ASNS: variants seen among roughly 807,000 people sequenced by gnomAD.
ASNS encodes the protein asparagine synthetase [glutamine-hydrolyzing].
Under a neutral mutation model 62.6 loss-of-function variants are expected in ASNS, and 37 were observed. That is an observed-to-expected ratio of 0.59 (90% CI 0.45 to 0.78). The LOEUF (loss-of-function observed/expected upper bound fraction) is 0.78, where lower values mean the gene tolerates loss of function less well. Ranked by LOEUF, ASNS falls within the 30% of genes least tolerant of loss-of-function variation. The pLI, the probability that ASNS is intolerant of heterozygous loss-of-function variation, is 0.00. For synonymous variants in ASNS, 207 were observed against 237.9 expected, an observed-to-expected ratio of 0.87 and a Z score of 1.19; for missense variants, 520 against 682.4, an observed-to-expected ratio of 0.76 and a Z score of 2.65.
At chr7:97,884,075 A>C in the ASNS span, among the ~76,000 whole-genome samples, 1 of 151,346 alleles carries the variant, frequency 6.6e-6, no homozygotes, top group Non-Finnish European at 1.5e-5. Context: ...CCTTTATTTC[A>C]CCAGTGGGGA....
intron 4 of ASNS, among the ~76,000 whole-genome samples, chr7:97,861,103 G>A (rs1424615801): frequency 2.8e-5 from 4 of 144,166 alleles, no homozygotes; most frequent in Non-Finnish European, 4.5e-5. Flanking sequence ...CTTACCGCAA[G>A]CTCCGTCTCC....
chr7:97,858,791 G>T, intron 6 of ASNS, 63 bp downstream of exon 6: 2 of 1,430,714 alleles, frequency 1.4e-6, no homozygotes, highest in East Asian at 2.3e-5. Flanking sequence ...CCAAAGGGAT[G>T]GCTACAAATC....
chr7:97,860,925 C>T (rs1250331898), intron 4 of ASNS, among the ~76,000 whole-genome samples: 1 of 151,776 alleles, frequency 6.6e-6, no homozygotes, highest in African/African-American at 2.4e-5. Flanking sequence ...TTGCCAAATC[C>T]AGGGTCATGA....
the ASNS span, among the ~76,000 whole-genome samples, chr7:97,885,008 C>T: frequency 3.3e-5 from 5 of 152,150 alleles, no homozygotes; most frequent in Non-Finnish European, 5.9e-5. Flanking sequence ...AAGCAATTCT[C>T]CTGCCTCCCG....
intron 10 of ASNS, 105 bp from the exon 11 acceptor site, chr7:97,853,491 G>T: frequency 1.0e-6 from 1 of 954,050 alleles, no homozygotes; most frequent in Non-Finnish European, 1.6e-6. Context: ...CTTAAGAAAT[G>T]TTAAGGTCAT....
chr7:97,867,296 CA>C (rs1446902026), intron 3 of ASNS, among the ~76,000 whole-genome samples: 1 of 130,708 alleles, frequency 7.7e-6, no homozygotes, highest in Non-Finnish European at 1.8e-5. Flanking sequence ...TTATTTTTAC[CA>C]AAAAGGAGGT....
the ASNS span, among the ~76,000 whole-genome samples, chr7:97,895,402 T>C: frequency 6.6e-6 from 1 of 152,216 alleles, no homozygotes; most frequent in Non-Finnish European, 1.5e-5. Flanking sequence ...ATAAAAGGCA[T>C]CCAAATGGAC....
chr7:97,879,987 T>G, the ASNS span, among the ~76,000 whole-genome samples: 1 of 152,184 alleles, frequency 6.6e-6, no homozygotes, highest in Non-Finnish European at 1.5e-5. Context: ...CTGTGATGAT[T>G]GTTCTCTTCC....
Position 97,853,147 on chromosome 7 carries a change from G to C in ASNS, c.1389C>G (p.Leu463=). ...CACTGAAGGCTTCTTTTGGTCGCCA[G>C]AGAATCTCTTTGGGTATCAGATTGG... ...EDSNLIPKEI[L]WRPKEAFSDG... is the part of the protein sequence containing the mutation. Residue 463 remains leucine (L), a synonymous_variant, in exon 12 of 13, where the codon CTC becomes CTG. Transcript: ENST00000394308. The C allele has an allele frequency of 6.2e-7, 1 of 1,612,230 alleles. No homozygotes were observed. Among genetic ancestry groups the C allele is most frequent in the Non-Finnish European group, 8.5e-7 (1 of 1,179,372 alleles).
chr7:97,882,171 T>G, the ASNS span, among the ~76,000 whole-genome samples: 1 of 152,116 alleles, frequency 6.6e-6, no homozygotes, highest in Non-Finnish European at 1.5e-5. Flanking sequence ...ATTTGAAGTT[T>G]GACTTTCCCC....
the ASNS span, among the ~76,000 whole-genome samples, chr7:97,890,776 A>G: frequency 6.6e-6 from 1 of 152,204 alleles, no homozygotes; most frequent in Non-Finnish European, 1.5e-5. Context: ...ATAAAAGAGA[A>G]AAAAGTATTT....
Position 97,858,893 on chromosome 7 carries a change from G to C in ASNS, c.736C>G (p.Arg246Gly), listed in dbSNP as rs757828751. 6.2e-7 allele frequency: 1 copy of C among 1,613,236 alleles called. No homozygotes were observed. Among genetic ancestry groups the C allele is most frequent in the African/African-American group, 1.3e-5 (1 of 74,836 alleles). The change falls in exon 6 of 13, where the codon CGT becomes GGT. Residue 246 changes from arginine (R) to glycine (G), a missense_variant. Physicochemically the swap from Arg to Gly is moderately radical, Grantham distance 125 (BLOSUM62 -2). Coordinates refer to ENST00000394308, the MANE Select transcript of ASNS (RefSeq NM_001673.5). ...CCAATCCTTCTGTCTGTCATCAAAC[G>C]TTTCTTTACAGCATTATTAAAAAGG... ...RILFNNAVKK[R>G]LMTDRRIGCL...
the ASNS span, among the ~76,000 whole-genome samples, chr7:97,917,741 G>T: frequency 6.6e-6 from 1 of 152,194 alleles, no homozygotes; most frequent in Non-Finnish European, 1.5e-5. Flanking sequence ...GGTACTAGGG[G>T]TGGCTCTGGG....
intron 3 of ASNS, among the ~76,000 whole-genome samples, chr7:97,866,653 A>C (rs1463909347): frequency 1.3e-5 from 2 of 152,234 alleles, no homozygotes; most frequent in Non-Finnish European, 2.9e-5. Flanking sequence ...ATAAGCTTAA[A>C]ACATGCTTTC....
the ASNS span, chr7:97,899,043 A>G: frequency 1.5e-6 from 1 of 654,490 alleles, no homozygotes. Flanking sequence ...GATCTTTCTT[A>G]GAGAATGGAC....
chr7:97,895,566 G>T, the ASNS span, among the ~76,000 whole-genome samples: 2 of 152,222 alleles, frequency 1.3e-5, no homozygotes, highest in African/African-American at 4.8e-5. Flanking sequence ...GGCCAAGGTG[G>T]ACGGATCACC....
At chr7:97,881,289 T>C in the ASNS span, among the ~76,000 whole-genome samples, 5 of 152,280 alleles carry the variant, frequency 3.3e-5, 1 homozygote, top group East Asian at 5.8e-4. Context: ...AGTCCCTGTA[T>C]GAAACCATAC....
chr7:97,893,109 A>G, the ASNS span, among the ~76,000 whole-genome samples: 16 of 152,384 alleles, frequency 1.0e-4, no homozygotes, highest in East Asian at 2.7e-3. Context: ...AGGAGAGGCA[A>G]GTCACATCTT....
Position 97,854,619 on chromosome 7 carries a change from A to G in ASNS, c.1199T>C (p.Phe400Ser). ...SERLLRELYL[F>S]DVLRADRTTA... ...AGTTCGATCTGCGCGGAGAACATCAAACAAATAGAGTTCCCTCAGAAGCCT... is the reference window on the plus strand; with the variant it reads ...AGTTCGATCTGCGCGGAGAACATCAGACAAATAGAGTTCCCTCAGAAGCCT... The change falls in exon 10 of 13, where the codon TTT becomes TCT. Residue 400 changes from phenylalanine to serine, a missense_variant. Physicochemically the swap from Phe to Ser is radical, Grantham distance 155. Transcript: ENST00000394308. The G allele has an allele frequency of 6.2e-7, 1 of 1,614,142 alleles. No individual in the cohort carries two copies. Among genetic ancestry groups the G allele is most frequent in the Non-Finnish European group, 8.5e-7 (1 of 1,180,020 alleles).
Sources: gnomAD v4.1 joint callset for allele counts (sites outside exome capture counted in the v4.1 genomes callset) on GRCh38, gnomAD v4.1.1 for gene constraint, MANE v1.5 for transcripts, NCBI Gene and HGNC (gene_info 2026-07-23, HGNC 2026-07-21) for gene names.